Variants in PCDHGA4 observed in about 807,000 individuals in gnomAD.
PCDHGA4 encodes the protein protocadherin gamma subfamily A, 4, also known as protocadherin gamma-A4.
PCDHGA4 carries 38 observed loss-of-function variants against 54.6 expected under a neutral mutation model. The ratio of observed to expected loss-of-function variants is 0.70; its 90% CI spans 0.54 to 0.91. The LOEUF (loss-of-function observed/expected upper bound fraction) is 0.91. PCDHGA4 is among the 40% of genes least tolerant of loss of function. PCDHGA4 has a pLI of 0.00. For missense variants in PCDHGA4, 1,298 were observed against 1,220.9 expected, an observed-to-expected ratio of 1.06 and a Z score of -0.94; for synonymous variants, 511 against 512.9, an observed-to-expected ratio of 1.00 and a Z score of 0.05.
chr5:141,392,794 G>A (rs1002894691), intron 1 of PCDHGA4: 2 of 1,563,344 alleles, frequency 1.3e-6, no homozygotes, highest in African/African-American at 1.4e-5. Flanking sequence ...ATTCTGAGAG[G>A]ATTCTGCAGC....
chr5:141,392,692 C>T, intron 1 of PCDHGA4: 11 of 1,148,308 alleles, frequency 9.6e-6, no homozygotes, highest in Non-Finnish European at 1.3e-5. Flanking sequence ...CGAAACCCGA[C>T]CCCTGTTTGG....
At chr5:141,415,183 G>A (rs201831693) in intron 1 of PCDHGA4, 913 of 1,613,968 alleles carry the variant, frequency 5.7e-4, no homozygotes, top group Non-Finnish European at 5.1e-4. Flanking sequence ...GGCCGTGGCC[G>A]ACAGCATCCC....
chr5:141,416,233 C>T (rs1313671195), intron 1 of PCDHGA4: 1 of 152,210 alleles, frequency 6.6e-6, no homozygotes, highest in Non-Finnish European at 1.5e-5. Flanking sequence ...ATTTTTCCAG[C>T]CCTATTTATA....
At chr5:141,500,184 T>TTATA (rs530565701) in intron 2 of PCDHGA4, among the ~76,000 whole-genome samples, 2 of 135,886 alleles carry the variant, frequency 1.5e-5, no homozygotes, top group Non-Finnish European at 3.2e-5. Flanking sequence ...TCATTTTTAT[T>TTATA]TTTATTTATT....
At chr5:141,434,695 AAT>A (rs1228504579) in intron 1 of PCDHGA4, among the ~76,000 whole-genome samples, 7 of 152,212 alleles carry the variant, frequency 4.6e-5, no homozygotes, top group Non-Finnish European at 8.8e-5. Flanking sequence ...GCTGTTAATA[AAT>A]ATGTGGGTAA....
rs535152193 is a variant in PCDHGA4, at chr5:141,422,906, C to G, written c.2514+65285C>G. ...TTCGTGCTGGACCAGAACGACAATG[C>G]GCCCGAGATCCTGTACCCTGCCCTC... On this transcript the variant is annotated intron_variant, in intron 1 of 3. Transcript: ENST00000571252. 6 of 1,614,264 alleles carry G rather than the reference C, an allele frequency of 3.7e-6. No homozygotes were observed. The South Asian group carries it at 6.6e-5, about 18-fold the overall frequency.
At chr5:141,447,988 A>C (rs1234413003) in intron 1 of PCDHGA4, among the ~76,000 whole-genome samples, 1 of 152,018 alleles carries the variant, frequency 6.6e-6, no homozygotes, top group Non-Finnish European at 1.5e-5. Flanking sequence ...CGGGAGGCTG[A>C]GGCATGAGAA....
chr5:141,511,293 G>A lies in PCDHGA4; in HGVS notation c.*120G>A, dbSNP rs1028501355. On this transcript the variant is annotated 3_prime_UTR_variant, in exon 4 of 4. Coordinates refer to ENST00000571252, the MANE Select transcript of PCDHGA4 (RefSeq NM_018917.4). ...CCCCAGAATACTGGTAGGGGCCAAG[G>A]CCATGCTCCCCTTGGGAAACAGAAA... The A allele has an allele frequency of 3.3e-6, 5 of 1,509,316 alleles. No individual in the cohort carries two copies. In the African/African-American group the frequency reaches 5.6e-5, roughly 17 times the overall value. The allele number at this position is 1,509,316 out of a possible 1,614,324, so 93.5% of individuals were successfully genotyped here.
intron 1 of PCDHGA4, chr5:141,374,130 T>G (rs368568776): frequency 1.2e-5 from 20 of 1,604,086 alleles, no homozygotes; most frequent in African/African-American, 2.7e-5. Context: ...CAGGTCCTGC[T>G]CCTCACGCTC....
At chr5:141,454,796 ATTTTTTTTTTTTTTTT>A (rs61612330) in intron 1 of PCDHGA4, among the ~76,000 whole-genome samples, 1 of 77,408 alleles carries the variant, frequency 1.3e-5, no homozygotes, top group East Asian at 4.0e-4. Flanking sequence ...CATGGTTCTA[ATTTTTTTTTTTTTTTT>A]TTTTTTTTTT....
rs772255956 is a variant in PCDHGA4 at position 141,361,360 on chromosome 5, G to A, written c.2514+3739G>A. Reference sequence around the variant, plus strand: ...CTATTACAAACTAGTGACAGACGGCGCTCTGGACCGGGAGGAGATCCCAGA... The same window carrying A: ...CTATTACAAACTAGTGACAGACGGCACTCTGGACCGGGAGGAGATCCCAGA... On this transcript the variant is annotated intron_variant, in intron 1 of 3. Transcript: ENST00000571252. 3.1e-6 allele frequency: 5 copies of A among 1,613,944 alleles called. No homozygotes were observed. In the East Asian group the frequency reaches 1.1e-4, roughly 36 times the overall value.
At chr5:141,506,226 G>A (rs1248069119) in intron 3 of PCDHGA4, among the ~76,000 whole-genome samples, 3 of 152,152 alleles carry the variant, frequency 2.0e-5, no homozygotes, top group Non-Finnish European at 1.5e-5. Flanking sequence ...TGAGGCAGGA[G>A]GATCATGAGG....
chr5:141,396,492 C>G (rs970666488), intron 1 of PCDHGA4: 1 of 151,944 alleles, frequency 6.6e-6, no homozygotes, highest in Non-Finnish European at 1.5e-5. Context: ...TGGTGGCATG[C>G]GCCTGTGGTC....
At chr5:141,504,660 C>T (rs1002186811) in intron 2 of PCDHGA4, among the ~76,000 whole-genome samples, 8 of 101,980 alleles carry the variant, frequency 7.8e-5, no homozygotes, top group Admixed American at 5.7e-4. Flanking sequence ...TGTTTGAGGG[C>T]GGGGGGTGGG....
rs766191511 is a variant in PCDHGA4, at chr5:141,432,498, G to T, written c.2515-62309G>T. ...TCCACTGGCGTGGAGCTGGCTCCCC[G>T]CTCCGCAGAGCCCGGCTACCTGGTG... On this transcript the variant is annotated intron_variant, in intron 1 of 3. Coordinates refer to ENST00000571252, the MANE Select transcript of PCDHGA4 (RefSeq NM_018917.4). The surrounding 1 kb of genome is among the most constrained non-coding windows in gnomAD (Gnocchi z 6.0). The T allele has an allele frequency of 6.2e-7, 1 of 1,614,106 alleles. No homozygotes were observed. The highest frequency in any genetic ancestry group is 8.5e-7 in the Non-Finnish European group (1 of 1,180,052).
intron 1 of PCDHGA4, chr5:141,366,387 A>T: frequency 6.2e-7 from 1 of 1,614,088 alleles, no homozygotes. Flanking sequence ...GACCCTGAGG[A>T]TCTGGACCTC....
Position 141,454,549 on chromosome 5 carries a change from G to A in PCDHGA4, c.2515-40258G>A, listed in dbSNP as rs188623155. ...AGCCTCCCAAGTAGCTGAGATTACA[G>A]GCATGTGCCACCACGCCCGGCTAAT... On this transcript the variant is annotated intron_variant, in intron 1 of 3. Transcript: ENST00000571252. Among the ~76,000 whole-genome samples, 406 of 152,154 alleles carry A rather than the reference G, an allele frequency of 2.7e-3. 2 individuals are homozygous for A. The highest frequency in any genetic ancestry group is 0.021 in the South Asian group (99 of 4,814).
intron 1 of PCDHGA4, chr5:141,427,571 G>A: frequency 1.5e-6 from 1 of 662,942 alleles, no homozygotes. Flanking sequence ...GCAAGCCTCC[G>A]CTCTCATCCA....
At position 141,491,969 on chromosome 5, in the gene PCDHGA4, C is replaced by A; in HGVS notation, c.2515-2838C>A. ...CCCCTACACTCAAAAAAGGCCGGGGCCTCCTTCGAGCTTCCGGTGAATTTC... is the reference window on the plus strand; with the variant it reads ...CCCCTACACTCAAAAAAGGCCGGGGACTCCTTCGAGCTTCCGGTGAATTTC... On this transcript the variant is annotated intron_variant, in intron 1 of 3. Coordinates refer to ENST00000571252, the MANE Select transcript of PCDHGA4 (RefSeq NM_018917.4). The surrounding 1 kb of genome is among the most constrained non-coding windows in gnomAD (Gnocchi z 6.9). 1 of 898,714 alleles carries A rather than the reference C, an allele frequency of 1.1e-6. No individual in the cohort carries two copies. Among genetic ancestry groups the A allele is most frequent in the Non-Finnish European group, 1.6e-6 (1 of 629,384 alleles). 55.7% of individuals were successfully genotyped at this position (898,714 alleles called of 1,614,324 possible). A position where few individuals can be genotyped will look rare whatever the true frequency, so the allele number is the denominator to read the frequency against.
Sources: gnomAD v4.1 joint callset for allele counts (sites outside exome capture counted in the v4.1 genomes callset) on GRCh38, gnomAD v4.1.1 for gene constraint, Gnocchi (gnomAD v3.1) non-coding constraint, MANE v1.5 for transcripts, NCBI Gene and HGNC (gene_info 2026-07-23, HGNC 2026-07-21) for gene names.